SLC35D1: variants seen among roughly 807,000 people sequenced by gnomAD.
The protein encoded by SLC35D1 is nucleotide sugar transporter SLC35D1.
In SLC35D1, 31 loss-of-function variants were observed where a neutral mutation model predicts 46.7. The ratio of observed to expected loss-of-function variants is 0.66; its 90% confidence interval spans 0.50 to 0.90. The LOEUF (loss-of-function observed/expected upper bound fraction) is 0.90. Ranked by LOEUF, SLC35D1 falls within the 40% of genes least tolerant of loss-of-function variation. SLC35D1 has a pLI of 0.00. For missense variants in SLC35D1, 397 were observed against 426.2 expected, an observed-to-expected ratio of 0.93 and a Z score of 0.60; for synonymous variants, 195 against 164.6, an observed-to-expected ratio of 1.18 and a Z score of -1.41.
chr1:66,984,037 T>G, the SLC35D1 span, among the ~76,000 whole-genome samples: 2 of 152,242 alleles, frequency 1.3e-5, no homozygotes, highest in African/African-American at 4.8e-5. Flanking sequence ...TGTGATCTTT[T>G]AAAGTACAGT....
At chr1:66,990,872 G>A in the SLC35D1 span, among the ~76,000 whole-genome samples, 1 of 152,132 alleles carries the variant, frequency 6.6e-6, no homozygotes, top group Non-Finnish European at 1.5e-5. Context: ...GCCTCCTGAA[G>A]GGGAGGGTCG....
chr1:67,012,490 C>A (rs1451498372), intron 10 of SLC35D1, among the ~76,000 whole-genome samples: 1 of 136,624 alleles, frequency 7.3e-6, no homozygotes, highest in African/African-American at 2.7e-5. Context: ...AAAATAAGTA[C>A]ACCATTAAAA....
chr1:67,040,679 T>A (rs966008510), intron 8 of SLC35D1, among the ~76,000 whole-genome samples: 1 of 152,190 alleles, frequency 6.6e-6, no homozygotes, highest in Non-Finnish European at 1.5e-5. Flanking sequence ...TTTGCCCATT[T>A]AAAAAATGCT....
chr1:67,023,419 T>A (rs1667851334), intron 8 of SLC35D1, among the ~76,000 whole-genome samples: 1 of 152,192 alleles, frequency 6.6e-6, no homozygotes. Flanking sequence ...CTATCAATAT[T>A]GAGTATCTTT....
chr1:66,977,950 G>C, the SLC35D1 span, among the ~76,000 whole-genome samples: 1 of 152,066 alleles, frequency 6.6e-6, no homozygotes, highest in African/African-American at 2.4e-5. Context: ...TGTAATCCCA[G>C]CACTTTGGGA....
At chr1:66,974,599 A>G in the SLC35D1 span, among the ~76,000 whole-genome samples, 2 of 152,196 alleles carry the variant, frequency 1.3e-5, no homozygotes, top group African/African-American at 4.8e-5. Context: ...TTAAGAAATT[A>G]TAGGTGACTT....
At chr1:66,974,451 G>GT in the SLC35D1 span, among the ~76,000 whole-genome samples, 147 of 150,828 alleles carry the variant, frequency 9.7e-4, no homozygotes, top group African/African-American at 3.5e-3. Flanking sequence ...TGTTGTTGTT[G>GT]TTTTTTAACA....
downstream of SLC35D1, among the ~76,000 whole-genome samples, chr1:66,997,519 A>AAAT (rs1553262615): frequency 6.4e-3 from 477 of 74,022 alleles, 8 homozygotes; most frequent in African/African-American, 0.02. Context: ...AAAAAAAAAA[A>AAAT]ATATATATAT....
the SLC35D1 span, among the ~76,000 whole-genome samples, chr1:66,992,486 C>T: frequency 3.0e-3 from 460 of 152,334 alleles, 1 homozygote; most frequent in Middle Eastern, 0.02. Context: ...TCACTCAATC[C>T]TCTTGTCTTA....
At chr1:66,985,169 T>G in the SLC35D1 span, 5 of 997,102 alleles carry the variant, frequency 5.0e-6, no homozygotes, top group Non-Finnish European at 1.2e-6. Context: ...TATCTTTAGT[T>G]CATTCAGATT....
At chr1:67,052,105 A>T (rs2102376117) in intron 3 of SLC35D1, 26 bp from the exon 4 acceptor site, 1 of 1,439,664 alleles carries the variant, frequency 6.9e-7, no homozygotes, top group Non-Finnish European at 9.8e-7. Flanking sequence ...AGGGATAACA[A>T]AACTCAATAA....
chr1:67,013,350 T>C (rs1380567580), intron 10 of SLC35D1, among the ~76,000 whole-genome samples: 1 of 151,116 alleles, frequency 6.6e-6, no homozygotes, highest in Non-Finnish European at 1.5e-5. Flanking sequence ...AGTTCAAGAC[T>C]AGCCTGGGCA....
intron 9 of SLC35D1, 129 bp downstream of exon 9, chr1:67,021,406 A>T (rs1667795032): frequency 1.0e-6 from 1 of 959,628 alleles, no homozygotes; most frequent in Non-Finnish European, 1.7e-6. Flanking sequence ...AACCACCTGA[A>T]TCTGGAGGCT....
At chr1:67,013,656 T>C (rs764227215) in intron 10 of SLC35D1, among the ~76,000 whole-genome samples, 48 of 152,296 alleles carry the variant, frequency 3.2e-4, no homozygotes, top group Admixed American at 4.6e-4. Context: ...GCACTTCTAA[T>C]GATTCAGATC....
intron 7 of SLC35D1, among the ~76,000 whole-genome samples, chr1:67,044,252 C>T (rs185780275): frequency 6.6e-6 from 1 of 150,816 alleles, no homozygotes; most frequent in Non-Finnish European, 1.5e-5. Flanking sequence ...ACAAGAATCA[C>T]TTGAACCCAG....
At position 67,053,892 on chromosome 1, in the gene SLC35D1, A is replaced by G. The variant is rs1360162542; in HGVS notation, c.122T>C (p.Leu41Pro). The stretch of plus-strand genomic sequence containing the variant: ...GTAAAAGCCGGCGGCCAGCAGCTTC[A>G]GAAACACGGTCAGCGTTTCGGCCGA... Reference protein sequence around the residue: ...MASAETLTVFLKLLAAGFYGV... With the variant: ...MASAETLTVFPKLLAAGFYGV... The change falls in exon 1 of 12, where the codon CTG becomes CCG. Residue 41 changes from leucine (L) to proline (P), a missense_variant. Physicochemically the swap from Leu to Pro is moderately conservative, Grantham distance 98. Transcript: ENST00000235345. 7 of 1,613,686 alleles carry G rather than the reference A, an allele frequency of 4.3e-6. No individual in the cohort carries two copies. Among genetic ancestry groups the G allele is most frequent in the East Asian group, 2.2e-5 (1 of 44,876 alleles).
chr1:67,038,557 A>AC (rs1668171613), intron 8 of SLC35D1, among the ~76,000 whole-genome samples: 1 of 151,494 alleles, frequency 6.6e-6, no homozygotes, highest in African/African-American at 2.4e-5. Flanking sequence ...CTAAAAAAAA[A>AC]ATCCCATCTG....
intron 10 of SLC35D1, among the ~76,000 whole-genome samples, chr1:67,013,317 T>C (rs1667614147): frequency 6.6e-6 from 1 of 151,062 alleles, no homozygotes; most frequent in South Asian, 2.1e-4. Flanking sequence ...GAAGCAGAGG[T>C]GAGCAAATCA....
chr1:67,045,695 T>C (rs892442678), intron 7 of SLC35D1, among the ~76,000 whole-genome samples: 1 of 152,212 alleles, frequency 6.6e-6, no homozygotes, highest in Non-Finnish European at 1.5e-5. Flanking sequence ...TGTACTAATA[T>C]GGTAGCCACT....
Sources: gnomAD v4.1 joint callset for allele counts (sites outside exome capture counted in the v4.1 genomes callset) on GRCh38, gnomAD v4.1.1 for gene constraint, MANE v1.5 for transcripts, NCBI Gene and HGNC (gene_info 2026-07-23, HGNC 2026-07-21) for gene names.